Variants in ASB18 observed in about 807,000 individuals in gnomAD.
The protein encoded by ASB18 is ankyrin repeat and SOCS box protein 18.
In ASB18, 33 loss-of-function variants were observed where a neutral mutation model predicts 33.4. The observed-to-expected ratio is 0.99, with a 90% CI of 0.75 to 1.32. The LOEUF is 1.32. Ranked by LOEUF, ASB18 falls within the 40% of genes most tolerant of loss-of-function variation. ASB18 has a pLI of 0.00. For missense variants in ASB18, 694 were observed against 655.5 expected (o/e 1.06, Z -0.64); for synonymous variants, 295 against 307.6 (o/e 0.96, Z 0.43).
rs1331603441 is a variant in ASB18 at position 236,229,585 on chromosome 2, T to G, written c.596+8104A>C. On this transcript the variant is annotated intron_variant, in intron 3 of 5. Coordinates refer to ENST00000409749, the MANE Select transcript of ASB18 (RefSeq NM_212556.4). The surrounding 1 kb of genome is among the most constrained non-coding windows in gnomAD (Gnocchi z 5.2). The stretch of plus-strand genomic sequence containing the variant: ...TGCCTGGCATGGTGGCTCACACCTC[T>G]AATCCCAGCACTTTGAGAGGCCAAG... Among the ~76,000 whole-genome samples, 3 of 152,206 alleles carry G rather than the reference T, an allele frequency of 2.0e-5. No homozygotes were observed. Among genetic ancestry groups the G allele is most frequent in the African/African-American group, 7.2e-5 (3 of 41,456 alleles).
In ASB18 at chr2:236,241,496, T is replaced by A; in HGVS notation, c.206-94A>T. 6.9e-7 allele frequency: 1 copy of A among 1,456,208 alleles called. No individual in the cohort carries two copies. Among genetic ancestry groups the A allele is most frequent in the Admixed American group, 1.9e-5 (1 of 53,164 alleles). The allele number at this position is 1,456,208 out of a possible 1,614,324, so 90.2% of individuals were successfully genotyped here. On this transcript the variant is annotated intron_variant, in intron 1 of 5. Transcript: ENST00000409749. This position sits in a 1 kb window ranked among gnomAD's most constrained non-coding sequence, Gnocchi z 4.2. ...TTTTGAAATATTTGAAGTTTTCCTC[T>A]CACTGGCCCTGGCTGTCTCTCCATT...
chr2:236,260,160 T>C lies in ASB18; in HGVS notation c.205+3981A>G, dbSNP rs1392926140. On this transcript the variant is annotated intron_variant, in intron 1 of 5. Transcript: ENST00000409749. The surrounding 1 kb of genome is among the most constrained non-coding windows in gnomAD (Gnocchi z 5.1). ...TTTTCTTTTTCTTATTTTTTCACAT[T>C]GTCATCTTTAGAATAAAACTCAGAG... Among the ~76,000 whole-genome samples, 2 of 152,228 alleles carry C rather than the reference T, an allele frequency of 1.3e-5. No individual in the cohort carries two copies. The highest frequency in any genetic ancestry group is 2.9e-5 in the Non-Finnish European group (2 of 68,048).
rs2060503183 is a variant in ASB18 at position 236,219,875 on chromosome 2, G to A, written c.597-5009C>T. Among the ~76,000 whole-genome samples, 1 of 152,164 alleles carries A rather than the reference G, an allele frequency of 6.6e-6. No individual in the cohort carries two copies. The highest frequency in any genetic ancestry group is 2.4e-5 in the African/African-American group (1 of 41,428). ...GTCAGGGTAGAACAGTCACCGTTGG[G>A]ATCTAAGGGTAGAATTCCCATCTGA... On this transcript the variant is annotated intron_variant, in intron 3 of 5. Transcript: ENST00000409749. The surrounding 1 kb of genome is among the most constrained non-coding windows in gnomAD (Gnocchi z 6.4).
chr2:236,214,363 T>A lies in ASB18; in HGVS notation c.1100A>T (p.Lys367Met). The A allele has an allele frequency of 6.4e-7, 1 of 1,573,980 alleles. No homozygotes were observed. The highest frequency in any genetic ancestry group is 8.6e-7 in the Non-Finnish European group (1 of 1,163,926). Residue 367 changes from lysine (K) to methionine (M), a missense_variant and splice_region_variant, in exon 4 of 6, where the codon AAG (lysine) becomes ATG (methionine). Transcript: ENST00000409749. This position sits in a 1 kb window ranked among gnomAD's most constrained non-coding sequence, Gnocchi z 6.5. ...SPTVWPDAFP[K>M]VLKTCASVPA... ...CAGCCGGGCTGGATCCTGCCTTACC[T>A]TGGGGAAGGCGTCGGGCCACACGGT...
intron 1 of ASB18, among the ~76,000 whole-genome samples, chr2:236,242,730 T>C (rs1027616558): frequency 4.0e-5 from 6 of 150,968 alleles, no homozygotes; most frequent in African/African-American, 1.5e-4. Context: ...TCTCCCAAAG[T>C]GCTGGGATTG....
intron 4 of ASB18, among the ~76,000 whole-genome samples, chr2:236,202,814 T>TATATATATATATATATACACACACAC: frequency 7.9e-6 from 1 of 126,606 alleles, no homozygotes; most frequent in Non-Finnish European, 1.6e-5. Flanking sequence ...TATATATATA[T>TATATATATATATATATACACACACAC]ACACACACCT....
chr2:236,233,529 C>G (rs1368872247), intron 3 of ASB18, among the ~76,000 whole-genome samples: 2 of 151,742 alleles, frequency 1.3e-5, no homozygotes, highest in Non-Finnish European at 2.9e-5. Context: ...TACAAGAAAT[C>G]CTATGGAATT....
In ASB18 at chr2:236,214,226, T is replaced by G; in HGVS notation, c.1101+136A>C. 2.2e-6 allele frequency: 2 copies of G among 900,002 alleles called. No individual in the cohort carries two copies. The highest frequency in any genetic ancestry group is 1.8e-5 in the African/African-American group (1 of 56,052). The allele number at this position is 900,002 out of a possible 1,614,324, so 55.8% of individuals were successfully genotyped here. On this transcript the variant is annotated intron_variant, in intron 4 of 5. Coordinates refer to ENST00000409749, the MANE Select transcript of ASB18 (RefSeq NM_212556.4). This position sits in a 1 kb window ranked among gnomAD's most constrained non-coding sequence, Gnocchi z 6.5. Reference sequence around the variant, plus strand: ...TCCCACCCCAGACCGGCAGAGCAGATTCTGCATTTTCACAAGTCCCCAGGG... The same window carrying G: ...TCCCACCCCAGACCGGCAGAGCAGAGTCTGCATTTTCACAAGTCCCCAGGG...
At position 236,262,814 on chromosome 2, in the gene ASB18, A is replaced by C. The variant is rs2060725569; in HGVS notation, c.205+1327T>G. ...AACCAAGGTGAAGAGGAAGCAAGAG[A>C]AGGTTCCTCCCTAAAGCGACTTGCT... is the stretch of plus-strand genomic sequence containing the variant. On this transcript the variant is annotated intron_variant, in intron 1 of 5. Coordinates refer to ENST00000409749, the MANE Select transcript of ASB18 (RefSeq NM_212556.4). The surrounding 1 kb of genome is among the most constrained non-coding windows in gnomAD (Gnocchi z 5.2). Among the ~76,000 whole-genome samples the C allele has an allele frequency of 6.6e-6, 1 of 152,088 alleles. No homozygotes were observed. Among genetic ancestry groups the C allele is most frequent in the Non-Finnish European group, 1.5e-5 (1 of 67,990 alleles).
In ASB18 at chr2:236,256,802, G is replaced by C. The variant is rs531342537; in HGVS notation, c.205+7339C>G. Reference sequence around the variant, plus strand: ...GCGACCCTGTAGGATTTTTTTTCTTGTCCATATGCCTTTGAAGCCGGACCA... The same window carrying C: ...GCGACCCTGTAGGATTTTTTTTCTTCTCCATATGCCTTTGAAGCCGGACCA... On this transcript the variant is annotated intron_variant, in intron 1 of 5. Transcript: ENST00000409749. The surrounding 1 kb of genome is among the most constrained non-coding windows in gnomAD (Gnocchi z 4.7). 6.6e-6 allele frequency among the ~76,000 whole-genome samples: 1 copy of C among 151,794 alleles called. No individual in the cohort carries two copies. Among genetic ancestry groups the C allele is most frequent in the Non-Finnish European group, 1.5e-5 (1 of 67,948 alleles).
In ASB18 at chr2:236,196,494, T is replaced by A; in HGVS notation, c.1102-109A>T. 1.5e-6 allele frequency: 1 copy of A among 662,116 alleles called. No individual in the cohort carries two copies. Among genetic ancestry groups the A allele is most frequent in the Middle Eastern group, 4.1e-4 (1 of 2,452 alleles). The allele number at this position is 662,116 out of a possible 1,614,324, so 41.0% of individuals were successfully genotyped here. On this transcript the variant is annotated intron_variant, in intron 4 of 5. Coordinates refer to ENST00000409749, the MANE Select transcript of ASB18 (RefSeq NM_212556.4). The surrounding 1 kb of genome is among the most constrained non-coding windows in gnomAD (Gnocchi z 5.6). ...GCTCTCCCTAGCTGTGTGACCTCCC[T>A]ACGCCCAAGCCACACAGGGAACAGC... is the stretch of plus-strand genomic sequence containing the variant.
In ASB18 at chr2:236,225,285, C is replaced by A. The variant is rs750366417; in HGVS notation, c.597-10419G>T. Among the ~76,000 whole-genome samples the A allele has an allele frequency of 1.3e-5, 2 of 151,994 alleles. No individual in the cohort carries two copies. The highest frequency in any genetic ancestry group is 4.8e-5 in the African/African-American group (2 of 41,392). The stretch of plus-strand genomic sequence containing the variant: ...TACAGTTGTGTGCCACCATGCCTTG[C>A]TAATTTTTGCAGAGATGGGGTCTCA... On this transcript the variant is annotated intron_variant, in intron 3 of 5. Transcript: ENST00000409749. The surrounding 1 kb of genome is among the most constrained non-coding windows in gnomAD (Gnocchi z 5.1).
rs1341692897 is a variant in ASB18 at position 236,260,568 on chromosome 2, A to G, written c.205+3573T>C. Among the ~76,000 whole-genome samples the G allele has an allele frequency of 6.6e-6, 1 of 152,178 alleles. No homozygotes were observed. Among genetic ancestry groups the G allele is most frequent in the African/African-American group, 2.4e-5 (1 of 41,442 alleles). ...TGAGAAAGAGAACATTTGCTCCCAC[A>G]GGAAAAAGGAACCTATGCCCATTTT... On this transcript the variant is annotated intron_variant, in intron 1 of 5. Transcript: ENST00000409749. This position sits in a 1 kb window ranked among gnomAD's most constrained non-coding sequence, Gnocchi z 5.1.
At chr2:236,243,445 G>A (rs186884412) in intron 1 of ASB18, among the ~76,000 whole-genome samples, 2 of 152,144 alleles carry the variant, frequency 1.3e-5, no homozygotes, top group Non-Finnish European at 1.5e-5. Context: ...GCCATGACCA[G>A]TGATGAGCAG....
At position 236,214,990 on chromosome 2, in the gene ASB18, A is replaced by C; in HGVS notation, c.597-124T>G. On this transcript the variant is annotated intron_variant, in intron 3 of 5. Coordinates refer to ENST00000409749, the MANE Select transcript of ASB18 (RefSeq NM_212556.4). This position sits in a 1 kb window ranked among gnomAD's most constrained non-coding sequence, Gnocchi z 6.5. ...GAAAAGACATGCTCCGCTCTCCCATACCAAGGCGTCAGGAGTTCAAACTAA... is the reference window on the plus strand; with the variant it reads ...GAAAAGACATGCTCCGCTCTCCCATCCCAAGGCGTCAGGAGTTCAAACTAA... The C allele has an allele frequency of 1.5e-6, 1 of 651,610 alleles. No homozygotes were observed. The highest frequency in any genetic ancestry group is 2.1e-6 in the Non-Finnish European group (1 of 483,794). The allele number at this position is 651,610 out of a possible 1,614,324, so 40.4% of individuals were successfully genotyped here. A position where few individuals can be genotyped will look rare whatever the true frequency, so the allele number is the denominator to read the frequency against.
At position 236,214,248 on chromosome 2, in the gene ASB18, A is replaced by T. The variant is rs2060472727; in HGVS notation, c.1101+114T>A. The T allele has an allele frequency of 3.6e-6, 4 of 1,114,076 alleles. No individual in the cohort carries two copies. Among genetic ancestry groups the T allele is most frequent in the Middle Eastern group, 2.4e-4 (1 of 4,122 alleles). The allele number at this position is 1,114,076 out of a possible 1,614,324, so 69.0% of individuals were successfully genotyped here. On this transcript the variant is annotated intron_variant, in intron 4 of 5. Coordinates refer to ENST00000409749, the MANE Select transcript of ASB18 (RefSeq NM_212556.4). This position sits in a 1 kb window ranked among gnomAD's most constrained non-coding sequence, Gnocchi z 6.5. ...AGATTCTGCATTTTCACAAGTCCCC[A>T]GGGGTGCCTGGGCCATTACACTTTG...
rs1393881164 is a variant in ASB18 at position 236,208,693 on chromosome 2, C to G, written c.1101+5669G>C. 6.6e-6 allele frequency among the ~76,000 whole-genome samples: 1 copy of G among 152,180 alleles called. No homozygotes were observed. The highest frequency in any genetic ancestry group is 1.5e-5 in the Non-Finnish European group (1 of 68,020). Reference sequence around the variant, plus strand: ...TGGGAATTCATTTTCTGTCTCTCCTCTGTTCCACCTCTCTGGGGCTCCCTG... The same window carrying G: ...TGGGAATTCATTTTCTGTCTCTCCTGTGTTCCACCTCTCTGGGGCTCCCTG... On this transcript the variant is annotated intron_variant, in intron 4 of 5. Transcript: ENST00000409749. The surrounding 1 kb of genome is among the most constrained non-coding windows in gnomAD (Gnocchi z 7.7).
intron 3 of ASB18, among the ~76,000 whole-genome samples, chr2:236,218,689 T>C (rs1261604417): frequency 6.7e-6 from 1 of 148,454 alleles, no homozygotes; most frequent in Non-Finnish European, 1.5e-5. Context: ...TCTCAGCTAC[T>C]GGGGAGGCTG....
rs2060730113 is a variant in ASB18, at chr2:236,263,578, A to G, written c.205+563T>C. 6.6e-6 allele frequency among the ~76,000 whole-genome samples: 1 copy of G among 152,238 alleles called. No individual in the cohort carries two copies. Among genetic ancestry groups the G allele is most frequent in the South Asian group, 2.1e-4 (1 of 4,834 alleles). On this transcript the variant is annotated intron_variant, in intron 1 of 5. Transcript: ENST00000409749. The surrounding 1 kb of genome is among the most constrained non-coding windows in gnomAD (Gnocchi z 4.0). ...TGAAAAAATGTTATGTTCTTGTTCCAGTTATATGGCTCCTAGGAATTTATG... is the reference window on the plus strand; with the variant it reads ...TGAAAAAATGTTATGTTCTTGTTCCGGTTATATGGCTCCTAGGAATTTATG...
Sources: allele counts gnomAD v4.1 joint callset (sites outside exome capture counted in the v4.1 genomes callset), GRCh38; gene constraint gnomAD v4.1.1; non-coding constraint Gnocchi (gnomAD v3.1); transcripts MANE v1.5; gene names NCBI Gene and HGNC (gene_info 2026-07-23, HGNC 2026-07-21).